The following LAMA4 variants were observed in gnomAD, a reference collection of about 807,000 sequenced individuals.
LAMA4 encodes the protein laminin subunit alpha 4, also known as laminin subunit alpha-4.
LAMA4 carries 127 observed loss-of-function variants against 207.1 expected under a neutral mutation model. That is an observed-to-expected ratio of 0.61 (90% CI 0.53 to 0.71). The LOEUF (loss-of-function observed/expected upper bound fraction) is 0.71, where lower values mean the gene tolerates loss of function less well. LAMA4 is among the 30% of genes least tolerant of loss of function. The pLI, the probability that LAMA4 is intolerant of heterozygous loss-of-function variation, is 0.00. For missense variants in LAMA4, 2,093 were observed against 2,246.5 expected (o/e 0.93, Z 1.38); for synonymous variants, 761 against 816.0 (o/e 0.93, Z 1.15).
At position 112,109,042 on chromosome 6, in the gene LAMA4, G is replaced by C. The variant is rs1232797075; in HGVS notation, c.*395C>G. On this transcript the variant is annotated 3_prime_UTR_variant, in exon 39 of 39. Transcript: ENST00000230538. ...AATAAAGAAAGGTAGTTTTAGGACA[G>C]AGATTTTTATATAGATTGAAAGTTA... 8.6e-6 allele frequency: 2 copies of C among 233,008 alleles called. No homozygotes were observed. Among genetic ancestry groups the C allele is most frequent in the Non-Finnish European group, 1.7e-5 (2 of 116,548 alleles). The allele number at this position is 233,008 out of a possible 1,614,324, so 14.4% of individuals were successfully genotyped here.
At chr6:112,237,496 T>C (rs1786017615) in intron 2 of LAMA4, among the ~76,000 whole-genome samples, 1 of 152,192 alleles carries the variant, frequency 6.6e-6, no homozygotes, top group Admixed American at 6.5e-5. Context: ...GTGAAATTCA[T>C]CTATAAAACA....
Position 112,246,722 on chromosome 6 carries a change from A to G in LAMA4, c.195+7234T>C, listed in dbSNP as rs565641622. Among the ~76,000 whole-genome samples, 10 of 152,206 alleles carry G rather than the reference A, an allele frequency of 6.6e-5. No individual in the cohort carries two copies. The East Asian group carries it at 1.9e-3, about 29-fold the overall frequency. On this transcript the variant is annotated intron_variant, in intron 2 of 38. Transcript: ENST00000230538. ...TTTTTAGTAGAGGCGGGGTCTCACC[A>G]TCTTGGCCAGGCTGGTCTTGAACTC...
At chr6:112,199,937 T>A (rs1016140844) in intron 5 of LAMA4, among the ~76,000 whole-genome samples, 1 of 152,184 alleles carries the variant, frequency 6.6e-6, no homozygotes, top group Non-Finnish European at 1.5e-5. Context: ...GCTTGACTAT[T>A]TCCGCTTGGC....
chr6:112,109,655 A>T, intron 38 of LAMA4, 73 bp from the exon 39 acceptor site: 1 of 1,434,434 alleles, frequency 7.0e-7, no homozygotes, highest in Non-Finnish European at 9.6e-7. Flanking sequence ...TTCCTGGTAA[A>T]AGTATACATA....
intron 5 of LAMA4, among the ~76,000 whole-genome samples, chr6:112,196,198 T>C (rs1399465006): frequency 6.6e-6 from 1 of 152,148 alleles, no homozygotes; most frequent in African/African-American, 2.4e-5. Flanking sequence ...TCCTCTTTTC[T>C]AGCTTTTTGA....
Position 112,238,508 on chromosome 6 carries a change from G to A in LAMA4, c.195+15448C>T, listed in dbSNP as rs530899696. On this transcript the variant is annotated intron_variant, in intron 2 of 38. Coordinates refer to ENST00000230538, the MANE Select transcript of LAMA4 (RefSeq NM_001105206.3). ...TTGGATCACTTGAGGTCAGGAGTTCGAGACCAGCCTGGCCAACATGGTGAA... is the reference window on the plus strand; with the variant it reads ...TTGGATCACTTGAGGTCAGGAGTTCAAGACCAGCCTGGCCAACATGGTGAA... Among the ~76,000 whole-genome samples, 120 of 151,814 alleles carry A rather than the reference G, an allele frequency of 7.9e-4. 1 individual carries two copies. Among genetic ancestry groups the A allele is most frequent in the African/African-American group, 2.5e-3 (103 of 41,420 alleles).
At chr6:112,221,730 TA>T (rs11357643) in intron 2 of LAMA4, among the ~76,000 whole-genome samples, 2,561 of 152,268 alleles carry the variant, frequency 0.017, 40 homozygotes, top group Middle Eastern at 0.048. Context: ...TGCCCTTACT[TA>T]AGAGTCTGTG....
chr6:112,170,822 T>C (rs1781666379), intron 12 of LAMA4, among the ~76,000 whole-genome samples: 2 of 152,302 alleles, frequency 1.3e-5, no homozygotes, highest in Admixed American at 6.5e-5. Flanking sequence ...GATTGGAGTA[T>C]AGGGTAGGTC....
At chr6:112,165,834 T>C (rs1781353096) in intron 12 of LAMA4, among the ~76,000 whole-genome samples, 1 of 152,222 alleles carries the variant, frequency 6.6e-6, no homozygotes, top group East Asian at 1.9e-4. Flanking sequence ...AATGCTCAGA[T>C]GTTTTGAGAA....
At chr6:112,113,663 T>C (rs1777836139) in intron 38 of LAMA4, among the ~76,000 whole-genome samples, 2 of 152,220 alleles carry the variant, frequency 1.3e-5, no homozygotes, top group African/African-American at 2.4e-5. Context: ...AGACTAATCA[T>C]GGACCGAACT....
intron 9 of LAMA4, among the ~76,000 whole-genome samples, chr6:112,183,206 T>C (rs1164905997): frequency 1.3e-5 from 2 of 152,244 alleles, no homozygotes; most frequent in African/African-American, 2.4e-5. Context: ...ACTTTCTTGA[T>C]AGAAGGCTTT....
intron 2 of LAMA4, among the ~76,000 whole-genome samples, chr6:112,248,443 G>A (rs551774133): frequency 2.8e-4 from 41 of 147,184 alleles, no homozygotes; most frequent in African/African-American, 8.6e-4. Flanking sequence ...AGGTTGCAGC[G>A]AGCCAAGATA....
chr6:112,141,464 T>G lies in LAMA4; in HGVS notation c.2707A>C (p.Asn903His). The change falls in exon 21 of 39, where the codon AAT becomes CAT. Residue 903 changes from asparagine to histidine, a missense_variant. By Grantham distance (68) the Asn-to-His change is moderately conservative. Around this residue, in one of 3 missense-constraint regions of LAMA4, gnomAD observed 1,704 missense variants for 1,788.4 expected, o/e 0.95. Coordinates refer to ENST00000230538, the MANE Select transcript of LAMA4 (RefSeq NM_001105206.3). ...EYMGLAIKND[N>H]LVYVYNLGTK... ...CCCAAATTATAGACGTATACCAGATTATCATTTTTGATTGCAAGACCCATA... is the reference window on the plus strand; with the variant it reads ...CCCAAATTATAGACGTATACCAGATGATCATTTTTGATTGCAAGACCCATA... The G allele has an allele frequency of 6.2e-7, 1 of 1,611,580 alleles. No individual in the cohort carries two copies. Among genetic ancestry groups the G allele is most frequent in the Non-Finnish European group, 8.5e-7 (1 of 1,177,636 alleles).
rs782056385 is a variant in LAMA4, at chr6:112,185,277, A to T, written c.1037T>A (p.Met346Lys). ...CTCTACGTCAGACAGAAGGCTTTTC[A>T]TCGTGTTCTCAGCATTGTTGATTTG... The part of the protein sequence containing the change: ...KIQINNAENT[M>K]KSLLSDVEEL... Residue 346 changes from methionine (M) to lysine (K), a missense_variant, in exon 9 of 39, where the codon ATG (methionine) becomes AAG (lysine). Physicochemically the swap from Met to Lys is moderately conservative, Grantham distance 95. This residue lies in a region of LAMA4 where 1,704 missense variants were observed against 1,788.4 expected (regional missense o/e 0.95). Transcript: ENST00000230538. 5 of 1,613,350 alleles carry T rather than the reference A, an allele frequency of 3.1e-6. No individual in the cohort carries two copies. The Admixed American group carries it at 5.0e-5, about 16-fold the overall frequency.
At chr6:112,149,840 T>C (rs1388069316) in intron 17 of LAMA4, among the ~76,000 whole-genome samples, 3 of 152,202 alleles carry the variant, frequency 2.0e-5, no homozygotes, top group African/African-American at 4.8e-5. Flanking sequence ...ACTGTAGCAC[T>C]GTAGCTAGGA....
At chr6:112,216,923 G>T (rs1784660732) in intron 2 of LAMA4, among the ~76,000 whole-genome samples, 1 of 152,206 alleles carries the variant, frequency 6.6e-6, no homozygotes, top group African/African-American at 2.4e-5. Flanking sequence ...GAGCAACTTA[G>T]CTATAGGATA....
At chr6:112,186,201 A>G (rs1554346596) in intron 8 of LAMA4, among the ~76,000 whole-genome samples, 4 of 152,240 alleles carry the variant, frequency 2.6e-5, no homozygotes. Flanking sequence ...ACATATATCA[A>G]TTCACTGAAT....
rs781863734 is a variant in LAMA4 at position 112,165,281 on chromosome 6, G to A, written c.1552-5C>T. 26 of 1,579,332 alleles carry A rather than the reference G, an allele frequency of 1.6e-5. No homozygotes were observed. Among genetic ancestry groups the A allele is most frequent in the Admixed American group, 5.0e-5 (3 of 59,960 alleles). On this transcript the variant is annotated splice_region_variant and splice_polypyrimidine_tract_variant and intron_variant, in intron 12 of 38. Coordinates refer to ENST00000230538, the MANE Select transcript of LAMA4 (RefSeq NM_001105206.3). The stretch of plus-strand genomic sequence containing the variant: ...CCTCACTCTTTCCTGTTGTTTCTGC[G>A]GGAAGGAAGAGTAAGGGAGAGTGAA...
chr6:112,165,511 A>T (rs192605749), intron 12 of LAMA4, among the ~76,000 whole-genome samples: 161 of 152,362 alleles, frequency 1.1e-3, no homozygotes, highest in Middle Eastern at 3.4e-3. Context: ...ACGGAGGATT[A>T]TTATAACACC....
Sources: allele counts gnomAD v4.1 joint callset (sites outside exome capture counted in the v4.1 genomes callset), GRCh38; gene constraint gnomAD v4.1.1; regional missense constraint gnomAD v4.1.1; transcripts MANE v1.5; gene names NCBI Gene and HGNC (gene_info 2026-07-23, HGNC 2026-07-21).